Variants in DGKB observed in about 807,000 individuals in gnomAD.
The protein encoded by DGKB is diacylglycerol kinase beta.
Under a neutral mutation model 114.3 loss-of-function variants are expected in DGKB, and 67 were observed. The ratio of observed to expected loss-of-function variants is 0.59; its 90% CI spans 0.48 to 0.72. The LOEUF (loss-of-function observed/expected upper bound fraction) is 0.72, where lower values mean the gene tolerates loss of function less well. Among genes scored for constraint, DGKB ranks in the 30% least tolerant of loss-of-function variants. The pLI is 0.00. For missense variants in DGKB, 907 were observed against 975.2 expected (o/e 0.93, Z 0.93); for synonymous variants, 398 against 323.1 (o/e 1.23, Z -2.49).
chr7:14,614,517 C>T (rs375105041), intron 15 of DGKB, among the ~76,000 whole-genome samples: 27 of 151,998 alleles, frequency 1.8e-4, no homozygotes, highest in African/African-American at 6.0e-4. Flanking sequence ...GTTATTTCTC[C>T]CCTAGAAAGT....
At chr7:14,906,414 T>G (rs1562866000), upstream of DGKB, among the ~76,000 whole-genome samples, 2 of 151,266 alleles carry the variant, frequency 1.3e-5, no homozygotes, top group Non-Finnish European at 2.9e-5. Flanking sequence ...TTATTGACAT[T>G]AGATAGAAAT....
At chr7:14,526,219 C>T (rs988469199) in intron 20 of DGKB, among the ~76,000 whole-genome samples, 6 of 152,142 alleles carry the variant, frequency 3.9e-5, no homozygotes, top group African/African-American at 1.2e-4. Context: ...TAAAACCTCA[C>T]TGCAATGGAC....
intron 21 of DGKB, among the ~76,000 whole-genome samples, chr7:14,369,108 T>C (rs1467520686): frequency 6.6e-6 from 1 of 151,994 alleles, no homozygotes; most frequent in African/African-American, 2.4e-5. Context: ...GTGTGATGTT[T>C]CCCTCCCTGT....
At chr7:14,158,202 C>T (rs1783320146) in intron 25 of DGKB, among the ~76,000 whole-genome samples, 1 of 152,164 alleles carries the variant, frequency 6.6e-6, no homozygotes, top group African/African-American at 2.4e-5. Flanking sequence ...TTTAGTGTTA[C>T]TATATTTAGT....
intron 13 of DGKB, among the ~76,000 whole-genome samples, chr7:14,666,678 G>A (rs1818083322): frequency 6.6e-6 from 1 of 151,716 alleles, no homozygotes; most frequent in Non-Finnish European, 1.5e-5. Flanking sequence ...TAAAATAAGG[G>A]GAGGATTTAA....
intron 13 of DGKB, among the ~76,000 whole-genome samples, chr7:14,655,485 A>T (rs1815579988): frequency 6.6e-6 from 1 of 151,812 alleles, no homozygotes; most frequent in African/African-American, 2.4e-5. Flanking sequence ...GAGGTTCCTT[A>T]AAAAACTAAA....
At chr7:14,567,508 A>T (rs1271373817) in intron 20 of DGKB, among the ~76,000 whole-genome samples, 3 of 90,010 alleles carry the variant, frequency 3.3e-5, no homozygotes, top group African/African-American at 8.8e-5. Flanking sequence ...TAATTATATA[A>T]TTATATATTT....
At chr7:14,962,159 A>G (rs1223537724) in intron 1 of DGKB, among the ~76,000 whole-genome samples, 1 of 152,158 alleles carries the variant, frequency 6.6e-6, no homozygotes, top group Admixed American at 6.6e-5. Context: ...TATGTATGAA[A>G]TGGTTTGCAT....
intron 23 of DGKB, among the ~76,000 whole-genome samples, chr7:14,260,115 C>CATGA (rs1562769537): frequency 5.7e-4 from 4 of 7,038 alleles, no homozygotes; most frequent in Non-Finnish European, 2.1e-3. Context: ...CATGAACACA[C>CATGA]ACACACACAC....
At chr7:14,208,356 G>C (rs745417568) in intron 23 of DGKB, among the ~76,000 whole-genome samples, 8 of 151,964 alleles carry the variant, frequency 5.3e-5, no homozygotes, top group Admixed American at 3.3e-4. Flanking sequence ...GTATTAGAAG[G>C]CCTTAAAAAC....
chr7:14,210,294 C>T (rs896146501), intron 23 of DGKB, among the ~76,000 whole-genome samples: 1 of 152,058 alleles, frequency 6.6e-6, no homozygotes, highest in South Asian at 2.1e-4. Context: ...ATGCCTGACT[C>T]TTTAACTCAA....
chr7:14,503,875 G>A (rs1786597485), intron 20 of DGKB, among the ~76,000 whole-genome samples: 1 of 152,174 alleles, frequency 6.6e-6, no homozygotes, highest in Non-Finnish European at 1.5e-5. Flanking sequence ...GATCTACACA[G>A]AAGCATTAGC....
At chr7:14,178,314 T>C (rs942018295) in intron 23 of DGKB, among the ~76,000 whole-genome samples, 163 bp from the exon 24 acceptor site, 1 of 151,910 alleles carries the variant, frequency 6.6e-6, no homozygotes, top group African/African-American at 2.4e-5. Context: ...TTTATAACTC[T>C]CAGTTTAACT....
intron 22 of DGKB, among the ~76,000 whole-genome samples, chr7:14,344,909 C>A (rs1023735078): frequency 2.6e-5 from 4 of 151,536 alleles, no homozygotes; most frequent in Non-Finnish European, 5.9e-5. Flanking sequence ...AAAGTAAGTA[C>A]AATTTTAGCA....
intron 2 of DGKB, among the ~76,000 whole-genome samples, chr7:14,828,852 T>A (rs1299645027): frequency 1.3e-5 from 2 of 152,104 alleles, no homozygotes; most frequent in Admixed American, 1.3e-4. Flanking sequence ...CACTCAGTAG[T>A]CTGAATGTAG....
rs200341437 is a variant in DGKB at position 14,841,163 on chromosome 7, A to C, written c.70+31T>G. On this transcript the variant is annotated intron_variant, in intron 2 of 25. Transcript: ENST00000402815. ...ATACTTTGTCTAGCACAAATGTCAA[A>C]TAATCTCATAATATCAATATGAATA... 1.9e-6 allele frequency: 3 copies of C among 1,559,442 alleles called. No homozygotes were observed. In the Admixed American group the frequency reaches 5.2e-5, roughly 27 times the overall value.
chr7:14,150,842 C>T (rs1376067395), intron 25 of DGKB, among the ~76,000 whole-genome samples: 1 of 152,082 alleles, frequency 6.6e-6, no homozygotes, highest in South Asian at 2.1e-4. Context: ...GGGTCTAATA[C>T]TGCATCATTC....
intron 23 of DGKB, among the ~76,000 whole-genome samples, chr7:14,204,957 G>T (rs6949675): frequency 0.49 from 73,665 of 151,872 alleles, 21,160 homozygotes; most frequent in African/African-American, 0.81. Flanking sequence ...GTCCACAACT[G>T]TAGCTATTCA....
intron 23 of DGKB, among the ~76,000 whole-genome samples, chr7:14,265,939 G>A (rs918560455): frequency 6.6e-6 from 1 of 152,048 alleles, no homozygotes; most frequent in Admixed American, 6.6e-5. Context: ...TTACTGCAAG[G>A]GGGTTATATA....
Sources: gnomAD v4.1 joint callset for allele counts (sites outside exome capture counted in the v4.1 genomes callset) on GRCh38, gnomAD v4.1.1 for gene constraint, MANE v1.5 for transcripts, NCBI Gene and HGNC (gene_info 2026-07-23, HGNC 2026-07-21) for gene names.